Variants in TLL2 observed in about 807,000 individuals in gnomAD.
TLL2 encodes the protein tolloid-like protein 2.
TLL2 carries 106 observed loss-of-function variants against 123.0 expected under a neutral mutation model. The ratio of observed to expected loss-of-function variants is 0.86; its 90% CI spans 0.74 to 1.01. The LOEUF (loss-of-function observed/expected upper bound fraction) is 1.01. Ranked by LOEUF, TLL2 falls within the 50% of genes least tolerant of loss-of-function variation. The pLI is 0.00. For synonymous variants in TLL2, 494 were observed against 516.8 expected (o/e 0.96, Z 0.60); for missense variants, 1,332 against 1,336.7 (o/e 1.00, Z 0.06).
intron 1 of TLL2, among the ~76,000 whole-genome samples, chr10:96,505,412 C>G (rs1443912887): frequency 1.3e-5 from 2 of 152,208 alleles, no homozygotes; most frequent in African/African-American, 4.8e-5. Context: ...ATTTAGTTTC[C>G]TGCCACTTGG....
intron 2 of TLL2, among the ~76,000 whole-genome samples, chr10:96,446,493 G>GC (rs1458990972): frequency 1.5e-5 from 2 of 132,980 alleles, no homozygotes; most frequent in African/African-American, 2.7e-5. Context: ...TTCCTCACGC[G>GC]CCCCCCACCT....
At chr10:96,448,032 C>T (rs1408149113) in intron 2 of TLL2, among the ~76,000 whole-genome samples, 2 of 152,176 alleles carry the variant, frequency 1.3e-5, no homozygotes, top group Non-Finnish European at 2.9e-5. Flanking sequence ...CACGTGGTCC[C>T]GCTCCCAACT....
At chr10:96,396,581 C>CTTTTTT (rs1177349566) in intron 11 of TLL2, among the ~76,000 whole-genome samples, 8 of 125,390 alleles carry the variant, frequency 6.4e-5, no homozygotes, top group East Asian at 2.2e-4. Flanking sequence ...TTTCCCCTTT[C>CTTTTTT]TTTTTTTTTT....
At chr10:96,453,620 A>T (rs1424732752) in intron 2 of TLL2, among the ~76,000 whole-genome samples, 1 of 152,250 alleles carries the variant, frequency 6.6e-6, no homozygotes, top group Admixed American at 6.5e-5. Context: ...GAAATAAATT[A>T]TGACATAATA....
At chr10:96,462,811 A>T (rs1412717362) in intron 2 of TLL2, among the ~76,000 whole-genome samples, 1 of 152,202 alleles carries the variant, frequency 6.6e-6, no homozygotes, top group Non-Finnish European at 1.5e-5. Context: ...AATTAGGAAC[A>T]CCGCTAGTCA....
intron 2 of TLL2, among the ~76,000 whole-genome samples, chr10:96,469,844 A>G (rs1847162007): frequency 6.6e-6 from 1 of 152,232 alleles, no homozygotes; most frequent in Admixed American, 6.5e-5. Context: ...AAGCAATTCT[A>G]ATCATGAATT....
At chr10:96,508,709 CAT>C (rs894826503) in intron 1 of TLL2, among the ~76,000 whole-genome samples, 6 of 151,984 alleles carry the variant, frequency 3.9e-5, no homozygotes, top group Admixed American at 6.6e-5. Flanking sequence ...GCCTCTGCCA[CAT>C]GTCTCCCCAC....
rs546496489 is a variant in TLL2 at position 96,375,818 on chromosome 10, G to A, written c.2448+874C>T. ...CTCTCTGTTCTCTTCCATTCTCCCTGAGTTATCGTCCACAGTTCATAGGGT... is the reference window on the plus strand; with the variant it reads ...CTCTCTGTTCTCTTCCATTCTCCCTAAGTTATCGTCCACAGTTCATAGGGT... On this transcript the variant is annotated intron_variant, in intron 18 of 20. Coordinates refer to ENST00000357947, the MANE Select transcript of TLL2 (RefSeq NM_012465.4). Among the ~76,000 whole-genome samples, 3 of 152,132 alleles carry A rather than the reference G, an allele frequency of 2.0e-5. No individual in the cohort carries two copies. The East Asian group carries it at 5.8e-4, about 29-fold the overall frequency.
intron 13 of TLL2, among the ~76,000 whole-genome samples, chr10:96,388,382 C>T (rs559914518): frequency 2.3e-3 from 357 of 152,268 alleles, no homozygotes; most frequent in African/African-American, 8.0e-3. Flanking sequence ...GCCTGGGCAA[C>T]GGAGCAAGAC....
At chr10:96,442,449 T>C (rs1362316644) in intron 3 of TLL2, among the ~76,000 whole-genome samples, 1 of 152,146 alleles carries the variant, frequency 6.6e-6, no homozygotes, top group East Asian at 1.9e-4. Flanking sequence ...AGGGTTGGGA[T>C]GGGAAGGATG....
chr10:96,485,398 T>A (rs1268836261), intron 1 of TLL2, among the ~76,000 whole-genome samples: 1 of 152,146 alleles, frequency 6.6e-6, no homozygotes, highest in East Asian at 1.9e-4. Context: ...AAGTCATATA[T>A]CTTATAAGAG....
chr10:96,394,798 A>T (rs562025151), intron 13 of TLL2, among the ~76,000 whole-genome samples: 1 of 152,248 alleles, frequency 6.6e-6, no homozygotes, highest in Non-Finnish European at 1.5e-5. Flanking sequence ...TCACAGGGTT[A>T]TTTGGGGAAT....
chr10:96,476,240 A>ATACATATATATATATATATATTC, intron 2 of TLL2, among the ~76,000 whole-genome samples: 2 of 20,500 alleles, frequency 9.8e-5, no homozygotes, highest in East Asian at 2.1e-3. Context: ...ATATATATAT[A>ATACATATATATATATATATATTC]TTTTATTTTT....
At chr10:96,444,162 A>G (rs960690903) in intron 3 of TLL2, among the ~76,000 whole-genome samples, 5 of 152,234 alleles carry the variant, frequency 3.3e-5, no homozygotes, top group Non-Finnish European at 7.3e-5. Flanking sequence ...TAGTAAGAAT[A>G]TGGGAAAGGA....
chr10:96,513,860 A>G lies in TLL2; in HGVS notation c.-175T>C, dbSNP rs1360479418. 5 of 677,568 alleles carry G rather than the reference A, an allele frequency of 7.4e-6. No individual in the cohort carries two copies. Among genetic ancestry groups the G allele is most frequent in the African/African-American group, 1.9e-5 (1 of 52,294 alleles). 42.0% of individuals were successfully genotyped at this position (677,568 alleles called of 1,614,324 possible). On this transcript the variant is annotated 5_prime_UTR_variant, in exon 1 of 21. Transcript: ENST00000357947. The stretch of plus-strand genomic sequence containing the variant: ...AGCGCGGCGCCCCCTGTCTTCGTCG[A>G]GGCAACCGGGAAGCAGCCGCTCGGA...
At chr10:96,400,187 C>T (rs1205924721) in intron 10 of TLL2, among the ~76,000 whole-genome samples, 1 of 152,048 alleles carries the variant, frequency 6.6e-6, no homozygotes, top group African/African-American at 2.4e-5. Flanking sequence ...CTCATTTCAT[C>T]CCAATACTCT....
rs567442723 is a variant in TLL2, at chr10:96,432,956, C to T, written c.371G>A (p.Arg124Gln). The change falls in exon 4 of 21, where the codon CGG becomes CAG. Residue 124 changes from arginine (R) to glutamine (Q), a missense_variant. Physicochemically the swap from Arg to Gln is conservative, Grantham distance 43 (BLOSUM62 1). Coordinates refer to ENST00000357947, the MANE Select transcript of TLL2 (RefSeq NM_012465.4). ...TGTKEAGKDG[R>Q]ENTTLLHSPG... The stretch of plus-strand genomic sequence containing the variant: ...GCTGTGCAGGAGTGTGGTATTCTCC[C>T]GGCCATCTGCAACACAGTCAGGTTA... 59 of 1,612,978 alleles carry T rather than the reference C, an allele frequency of 3.7e-5. 1 individual carries two copies. Among genetic ancestry groups the T allele is most frequent in the Admixed American group, 5.0e-5 (3 of 59,910 alleles).
At chr10:96,450,691 AGTACGACAG>A (rs1846949876) in intron 2 of TLL2, among the ~76,000 whole-genome samples, 1 of 152,180 alleles carries the variant, frequency 6.6e-6, no homozygotes, top group African/African-American at 2.4e-5. Flanking sequence ...CTGGCAAATG[AGTACGACAG>A]GTGTGGCTCT....
At chr10:96,466,666 G>T (rs1235088246) in intron 2 of TLL2, among the ~76,000 whole-genome samples, 1 of 152,186 alleles carries the variant, frequency 6.6e-6, no homozygotes, top group Admixed American at 6.5e-5. Flanking sequence ...CCACATCACT[G>T]TCAACACCTC....
Sources: allele counts gnomAD v4.1 joint callset (sites outside exome capture counted in the v4.1 genomes callset), GRCh38; gene constraint gnomAD v4.1.1; transcripts MANE v1.5; gene names NCBI Gene and HGNC (gene_info 2026-07-23, HGNC 2026-07-21).